Variants in LINGO1 observed in about 807,000 individuals in gnomAD.
LINGO1 encodes leucine rich repeat and Ig domain containing 1, also known as leucine-rich repeat and immunoglobulin-like domain-containing nogo receptor-interacting protein 1.
LINGO1 carries 11 observed loss-of-function variants against 37.3 expected under a neutral mutation model. The observed-to-expected ratio is 0.29, with a 90% CI of 0.19 to 0.49. LINGO1 has a LOEUF of 0.49. Among genes scored for constraint, LINGO1 ranks in the 20% least tolerant of loss-of-function variants. The pLI is 0.99. For synonymous variants in LINGO1, 387 were observed against 403.0 expected (o/e 0.96, Z 0.48); for missense variants, 585 against 878.2 (o/e 0.67, Z 4.22).
intron 1 of LINGO1, among the ~76,000 whole-genome samples, chr15:77,757,641 T>G (rs902281554): frequency 6.6e-6 from 1 of 152,050 alleles, no homozygotes; most frequent in Non-Finnish European, 1.5e-5. Flanking sequence ...CAGAAAGATG[T>G]CATTTCAAGT....
chr15:77,802,272 A>C (rs2076925987), intron 1 of LINGO1, among the ~76,000 whole-genome samples: 1 of 150,654 alleles, frequency 6.6e-6, no homozygotes, highest in Non-Finnish European at 1.5e-5. Context: ...ATCTAGAATC[A>C]GTGTGTGTGT....
At chr15:77,674,205 C>T (rs944966902) in intron 3 of LINGO1, among the ~76,000 whole-genome samples, 2 of 152,152 alleles carry the variant, frequency 1.3e-5, no homozygotes, top group African/African-American at 4.8e-5. Flanking sequence ...TCCAATCTGT[C>T]AGCAAATCCT....
At chr15:77,798,769 C>T (rs2076893599) in intron 1 of LINGO1, among the ~76,000 whole-genome samples, 1 of 152,208 alleles carries the variant, frequency 6.6e-6, no homozygotes, top group Admixed American at 6.5e-5. Context: ...CCCAGTGGAG[C>T]CCAGGGAGCT....
At chr15:77,719,569 G>C (rs2076024651) in intron 2 of LINGO1, among the ~76,000 whole-genome samples, 1 of 149,536 alleles carries the variant, frequency 6.7e-6, no homozygotes, top group East Asian at 2.2e-4. Flanking sequence ...GCATATGCTT[G>C]CTGGGCCTCT....
chr15:77,794,559 T>TAC (rs1567588556), intron 2 of LINGO1, among the ~76,000 whole-genome samples: 1 of 114,708 alleles, frequency 8.7e-6, no homozygotes, highest in East Asian at 2.2e-4. Context: ...TATGTGTATA[T>TAC]ATACACACAC....
intron 2 of LINGO1, among the ~76,000 whole-genome samples, chr15:77,704,666 C>T (rs962054859): frequency 1.3e-5 from 2 of 151,982 alleles, no homozygotes; most frequent in Non-Finnish European, 2.9e-5. Context: ...TGGTCAGACA[C>T]TGAGCCCCGA....
upstream of LINGO1, among the ~76,000 whole-genome samples, chr15:77,789,020 C>T (rs866548105): frequency 6.6e-6 from 1 of 152,198 alleles, no homozygotes; most frequent in South Asian, 2.1e-4. Context: ...ATGTCCCTGA[C>T]AGCTTGGGGC....
At chr15:77,799,908 C>T (rs551433214) in intron 1 of LINGO1, among the ~76,000 whole-genome samples, 22 of 152,254 alleles carry the variant, frequency 1.4e-4, no homozygotes, top group African/African-American at 4.3e-4. Context: ...TGCCTCCCAG[C>T]GGCTGTGACA....
chr15:77,777,951 TGAAG>T (rs1433189303), intron 1 of LINGO1, among the ~76,000 whole-genome samples: 2 of 107,258 alleles, frequency 1.9e-5, no homozygotes, highest in East Asian at 2.7e-4. Flanking sequence ...AAGGAAGGAA[TGAAG>T]GAAGGGAGGG....
chr15:77,695,451 G>A (rs1392329238), intron 1 of LINGO1, among the ~76,000 whole-genome samples: 9 of 152,166 alleles, frequency 5.9e-5, no homozygotes, highest in African/African-American at 1.4e-4. Flanking sequence ...CGCAAGGCCC[G>A]CAAGGCCACC....
chr15:77,692,512 G>T (rs2075621689), intron 1 of LINGO1, among the ~76,000 whole-genome samples: 1 of 152,178 alleles, frequency 6.6e-6, no homozygotes, highest in Admixed American at 6.5e-5. Flanking sequence ...GCAAGGAAAA[G>T]GTTTTTTAAA....
chr15:77,734,614 C>A (rs563249636), intron 2 of LINGO1, among the ~76,000 whole-genome samples: 1 of 151,912 alleles, frequency 6.6e-6, no homozygotes, highest in East Asian at 2.0e-4. Context: ...ACCTGGGTGG[C>A]CCACAGCTCT....
chr15:77,816,334 G>A (rs1488690158), intron 1 of LINGO1, among the ~76,000 whole-genome samples: 2 of 152,208 alleles, frequency 1.3e-5, no homozygotes, highest in Non-Finnish European at 2.9e-5. Context: ...AACAGCCAAG[G>A]TGTGGTTCCT....
chr15:77,726,831 T>G (rs1167711790), intron 2 of LINGO1, among the ~76,000 whole-genome samples: 1 of 152,244 alleles, frequency 6.6e-6, no homozygotes, highest in Non-Finnish European at 1.5e-5. Flanking sequence ...GGAGGAAATG[T>G]TGGCAACCCA....
chr15:77,670,295 A>C (rs530256826), intron 3 of LINGO1, among the ~76,000 whole-genome samples: 11 of 152,346 alleles, frequency 7.2e-5, no homozygotes, highest in African/African-American at 2.6e-4. Flanking sequence ...CACAATTGGG[A>C]ATATGCTAAA....
At chr15:77,786,106 C>G (rs2076768076) in intron 1 of LINGO1, among the ~76,000 whole-genome samples, 1 of 152,192 alleles carries the variant, frequency 6.6e-6, no homozygotes, top group Non-Finnish European at 1.5e-5. Context: ...AGGGCTGAGA[C>G]AGGAACCAGC....
chr15:77,800,586 G>C (rs1177537841), intron 1 of LINGO1, among the ~76,000 whole-genome samples: 1 of 152,156 alleles, frequency 6.6e-6, no homozygotes, highest in Non-Finnish European at 1.5e-5. Context: ...CTACAAACCA[G>C]GGCTTTGCAA....
intron 1 of LINGO1, among the ~76,000 whole-genome samples, chr15:77,770,199 A>G (rs2076570249): frequency 6.6e-6 from 1 of 152,130 alleles, no homozygotes; most frequent in African/African-American, 2.4e-5. Context: ...AGGAGAGACC[A>G]TACTAAGTAC....
chr15:77,623,071 C>A (rs1451542373), intron 1 of LINGO1, among the ~76,000 whole-genome samples: 1 of 152,296 alleles, frequency 6.6e-6, no homozygotes, highest in South Asian at 2.1e-4. Flanking sequence ...GACGCACCCA[C>A]ATCAAAGGAA....
Sources: allele counts gnomAD v4.1 joint callset (sites outside exome capture counted in the v4.1 genomes callset), GRCh38; gene constraint gnomAD v4.1.1; transcripts MANE v1.5; gene names NCBI Gene and HGNC (gene_info 2026-07-23, HGNC 2026-07-21).